Variants in SGMS1 observed in about 807,000 individuals in gnomAD.
SGMS1 encodes sphingomyelin synthase 1, also known as phosphatidylcholine:ceramide cholinephosphotransferase 1.
Under a neutral mutation model 46.2 loss-of-function variants are expected in SGMS1, and 13 were observed. The observed-to-expected ratio is 0.28, with a 90% confidence interval of 0.18 to 0.45. The LOEUF (loss-of-function observed/expected upper bound fraction) is 0.45, where lower values mean the gene tolerates loss of function less well. SGMS1 is among the 20% of genes least tolerant of loss of function. The pLI, the probability that SGMS1 is intolerant of heterozygous loss-of-function variation, is 1.00. For synonymous variants in SGMS1, 203 were observed against 187.8 expected (o/e 1.08, Z -0.66); for missense variants, 324 against 519.9 (o/e 0.62, Z 3.66).
chr10:50,336,275 G>A (rs865946354), intron 7 of SGMS1, among the ~76,000 whole-genome samples: 1 of 152,222 alleles, frequency 6.6e-6, no homozygotes, highest in Non-Finnish European at 1.5e-5. Context: ...AGCCTAGATA[G>A]ATAATAGGTC....
At chr10:50,621,441 CAT>C (rs1369170647) in intron 1 of SGMS1, among the ~76,000 whole-genome samples, 1 of 152,136 alleles carries the variant, frequency 6.6e-6, no homozygotes, top group Non-Finnish European at 1.5e-5. Flanking sequence ...GGTATTGATG[CAT>C]ATATTTTACT....
At chr10:50,556,399 T>C (rs1050927535) in intron 2 of SGMS1, among the ~76,000 whole-genome samples, 4 of 152,106 alleles carry the variant, frequency 2.6e-5, no homozygotes, top group African/African-American at 7.2e-5. Context: ...GGCTGGGTTA[T>C]TTTGTCTAGA....
chr10:50,598,326 C>T (rs563452382), intron 1 of SGMS1, among the ~76,000 whole-genome samples: 46 of 152,258 alleles, frequency 3.0e-4, no homozygotes, highest in Admixed American at 7.8e-4. Flanking sequence ...CTGGCACCCT[C>T]GGACTTCAAG....
chr10:50,333,204 C>A (rs1242107409), intron 7 of SGMS1, among the ~76,000 whole-genome samples: 2 of 152,134 alleles, frequency 1.3e-5, no homozygotes, highest in Non-Finnish European at 2.9e-5. Context: ...CTTAAGAAGA[C>A]CTGTGCTTTC....
intron 8 of SGMS1, 130 bp downstream of exon 8, chr10:50,327,075 G>T: frequency 1.7e-6 from 1 of 579,024 alleles, no homozygotes. Context: ...ATATCATTTA[G>T]TAACATTCTC....
At chr10:50,532,385 T>C (rs1408083047) in intron 2 of SGMS1, among the ~76,000 whole-genome samples, 1 of 152,062 alleles carries the variant, frequency 6.6e-6, no homozygotes, top group African/African-American at 2.4e-5. Context: ...GATAAATAAT[T>C]ATCTTACTTG....
intron 1 of SGMS1, among the ~76,000 whole-genome samples, chr10:50,608,007 G>T (rs1183065448): frequency 6.6e-6 from 1 of 152,186 alleles, no homozygotes; most frequent in African/African-American, 2.4e-5. Context: ...TAACAGCACT[G>T]ATCGTATATG....
intron 8 of SGMS1, among the ~76,000 whole-genome samples, chr10:50,322,211 C>G (rs997161935): frequency 1.3e-5 from 2 of 152,184 alleles, no homozygotes; most frequent in African/African-American, 4.8e-5. Flanking sequence ...CTGAGTGTCC[C>G]TGTCTTAATG....
intron 5 of SGMS1, among the ~76,000 whole-genome samples, chr10:50,447,598 C>T (rs560519297): frequency 6.6e-6 from 1 of 151,902 alleles, no homozygotes; most frequent in South Asian, 2.1e-4. Context: ...AAAATATAAC[C>T]CATATTGTTT....
chr10:50,624,031 A>C, upstream of SGMS1: 1 of 985,348 alleles, frequency 1.0e-6, no homozygotes, highest in Non-Finnish European at 1.2e-6. Context: ...CCGGGTGTTC[A>C]CTGCGGCCGG....
intron 2 of SGMS1, among the ~76,000 whole-genome samples, chr10:50,539,360 G>A (rs912935403): frequency 9.2e-5 from 14 of 152,212 alleles, no homozygotes; most frequent in African/African-American, 3.4e-4. Context: ...TTCAACCTTA[G>A]TCACAATCAA....
At chr10:50,339,889 G>C (rs80067433) in intron 7 of SGMS1, among the ~76,000 whole-genome samples, 1,787 of 152,282 alleles carry the variant, frequency 0.012, 40 homozygotes, top group African/African-American at 0.041. Flanking sequence ...GAGAGACTGG[G>C]ACCAGATGCT....
Position 50,504,076 on chromosome 10 carries a change from A to G in SGMS1, c.-498+15755T>C, listed in dbSNP as rs183963340. On this transcript the variant is annotated intron_variant, in intron 3 of 10. Coordinates refer to ENST00000361781, the MANE Select transcript of SGMS1 (RefSeq NM_147156.4). ...GAGGATTCTGAATGAGATGGCCTACATAAACAGTGCCCATAGCTCCTGTCT... is the reference window on the plus strand; with the variant it reads ...GAGGATTCTGAATGAGATGGCCTACGTAAACAGTGCCCATAGCTCCTGTCT... 1.2e-3 allele frequency among the ~76,000 whole-genome samples: 184 copies of G among 152,366 alleles called. 1 individual carries two copies. The highest frequency in any genetic ancestry group is 1.9e-3 in the East Asian group (10 of 5,182).
At chr10:50,417,954 T>G (rs769813202) in intron 6 of SGMS1, 2 of 152,224 alleles carry the variant, frequency 1.3e-5, no homozygotes, top group Non-Finnish European at 2.9e-5. Flanking sequence ...AATAAAGATT[T>G]CCCTTTACTT....
intron 3 of SGMS1, among the ~76,000 whole-genome samples, chr10:50,499,965 G>C (rs1176366306): frequency 6.6e-6 from 1 of 152,178 alleles, no homozygotes; most frequent in South Asian, 2.1e-4. Context: ...TCTGGAGTTC[G>C]AGACCAGCCT....
intron 3 of SGMS1, among the ~76,000 whole-genome samples, chr10:50,502,217 G>A (rs1350916081): frequency 6.7e-6 from 1 of 148,430 alleles, no homozygotes; most frequent in Non-Finnish European, 1.5e-5. Context: ...GCTTACCTAG[G>A]TAATCATCTC....
intron 5 of SGMS1, among the ~76,000 whole-genome samples, chr10:50,455,762 A>T (rs923784268): frequency 6.6e-6 from 1 of 152,190 alleles, no homozygotes; most frequent in African/African-American, 2.4e-5. Flanking sequence ...CATACACCAC[A>T]TCACTCTGAT....
intron 2 of SGMS1, among the ~76,000 whole-genome samples, chr10:50,565,634 A>G (rs774813998): frequency 1.1e-4 from 16 of 152,202 alleles, no homozygotes; most frequent in Non-Finnish European, 1.6e-4. Flanking sequence ...CAAGCTGCCA[A>G]TTCCTAGGAA....
At chr10:50,471,191 TCTC>T (rs1837375750) in intron 3 of SGMS1, among the ~76,000 whole-genome samples, 3 of 152,120 alleles carry the variant, frequency 2.0e-5, no homozygotes, top group African/African-American at 7.2e-5. Context: ...ACAAACAACA[TCTC>T]CTCTCACCTT....
Sources: gnomAD v4.1 joint callset for allele counts (sites outside exome capture counted in the v4.1 genomes callset) on GRCh38, gnomAD v4.1.1 for gene constraint, MANE v1.5 for transcripts, NCBI Gene and HGNC (gene_info 2026-07-23, HGNC 2026-07-21) for gene names.